Variants in PRKAR2B observed in about 807,000 individuals in gnomAD.
The protein encoded by PRKAR2B is protein kinase cAMP-dependent type II regulatory subunit beta, also known as cAMP-dependent protein kinase type II-beta regulatory subunit.
Under a neutral mutation model 49.9 loss-of-function variants are expected in PRKAR2B, and 14 were observed. The observed-to-expected ratio is 0.28, with a 90% CI of 0.19 to 0.44. The LOEUF (loss-of-function observed/expected upper bound fraction) is 0.44. PRKAR2B is among the 20% of genes least tolerant of loss of function. The pLI, the probability that PRKAR2B is intolerant of heterozygous loss-of-function variation, is 1.00. For missense variants in PRKAR2B, 393 were observed against 537.9 expected (o/e 0.73, Z 2.67); for synonymous variants, 196 against 197.7 (o/e 0.99, Z 0.07).
chr7:107,146,770 G>A (rs938901234), intron 6 of PRKAR2B, among the ~76,000 whole-genome samples: 3 of 152,172 alleles, frequency 2.0e-5, no homozygotes, highest in Admixed American at 6.5e-5. Flanking sequence ...ACAGCCTTAA[G>A]TACTTTTTCT....
chr7:107,113,581 A>G (rs966205302), intron 2 of PRKAR2B, among the ~76,000 whole-genome samples: 2 of 152,190 alleles, frequency 1.3e-5, no homozygotes, highest in Admixed American at 6.6e-5. Context: ...AGGAATTCTG[A>G]TGATTAGTCG....
chr7:107,148,092 C>T (rs1264133654), intron 6 of PRKAR2B, among the ~76,000 whole-genome samples: 4 of 152,170 alleles, frequency 2.6e-5, no homozygotes, highest in Non-Finnish European at 5.9e-5. Context: ...AAAGAACTGT[C>T]AGTGATTTGA....
intron 1 of PRKAR2B, among the ~76,000 whole-genome samples, chr7:107,045,878 G>C (rs916774935): frequency 6.6e-6 from 1 of 152,208 alleles, no homozygotes; most frequent in African/African-American, 2.4e-5. Context: ...TCTTTGGAAC[G>C]AGGAAATGGG....
At chr7:107,141,455 C>CCA (rs1795788344) in intron 5 of PRKAR2B, among the ~76,000 whole-genome samples, 1 of 152,170 alleles carries the variant, frequency 6.6e-6, no homozygotes, top group Non-Finnish European at 1.5e-5. Flanking sequence ...CTTTGGGAAG[C>CCA]CGAGGCCAGT....
chr7:107,104,304 G>A (rs1053301391), intron 2 of PRKAR2B, among the ~76,000 whole-genome samples: 4 of 152,246 alleles, frequency 2.6e-5, no homozygotes, highest in Admixed American at 2.6e-4. Flanking sequence ...CAAAGTGCTG[G>A]GATTACAGGC....
intron 2 of PRKAR2B, among the ~76,000 whole-genome samples, chr7:107,107,598 A>G (rs978368105): frequency 6.6e-6 from 1 of 151,816 alleles, no homozygotes; most frequent in Non-Finnish European, 1.5e-5. Flanking sequence ...AAGAAACTCA[A>G]TTATGAGGTA....
intron 2 of PRKAR2B, among the ~76,000 whole-genome samples, chr7:107,082,506 CTAAT>C (rs1461248805): frequency 9.2e-5 from 14 of 152,064 alleles, no homozygotes; most frequent in East Asian, 1.9e-4. Context: ...ATTTTATTGA[CTAAT>C]AAATAAGCAT....
intron 2 of PRKAR2B, among the ~76,000 whole-genome samples, chr7:107,072,123 T>C (rs1020552598): frequency 1.3e-5 from 2 of 149,548 alleles, no homozygotes; most frequent in African/African-American, 4.9e-5. Context: ...ATATATATAA[T>C]TGTAGAGATG....
chr7:107,143,802 T>C (rs1203378899), intron 5 of PRKAR2B, among the ~76,000 whole-genome samples: 3 of 152,182 alleles, frequency 2.0e-5, no homozygotes, highest in Non-Finnish European at 4.4e-5. Context: ...GCTGTGTGTA[T>C]AAGGTATATA....
At chr7:107,077,007 T>G (rs1794411662) in intron 2 of PRKAR2B, among the ~76,000 whole-genome samples, 1 of 152,216 alleles carries the variant, frequency 6.6e-6, no homozygotes, top group South Asian at 2.1e-4. Context: ...AAATATCTTG[T>G]AGCCTTGGTG....
chr7:107,123,386 T>G (rs1365236060), intron 3 of PRKAR2B, among the ~76,000 whole-genome samples: 1 of 152,212 alleles, frequency 6.6e-6, no homozygotes, highest in Non-Finnish European at 1.5e-5. Context: ...TTCATTTGAC[T>G]GTGTAAAACC....
At chr7:107,125,893 CCT>C (rs1795473852) in intron 3 of PRKAR2B, among the ~76,000 whole-genome samples, 1 of 151,818 alleles carries the variant, frequency 6.6e-6, no homozygotes, top group South Asian at 2.1e-4. Flanking sequence ...TTGAGACCAG[CCT>C]GGCCAAGATG....
chr7:107,051,813 C>T (rs1320122849), intron 1 of PRKAR2B, among the ~76,000 whole-genome samples: 1 of 151,900 alleles, frequency 6.6e-6, no homozygotes, highest in African/African-American at 2.4e-5. Flanking sequence ...GACAAAAGGT[C>T]AAAATGTAAA....
intron 1 of PRKAR2B, among the ~76,000 whole-genome samples, chr7:107,063,438 C>A (rs1794066190): frequency 6.6e-6 from 1 of 152,108 alleles, no homozygotes; most frequent in Admixed American, 6.5e-5. Context: ...CAAGGAAAGA[C>A]CCTGCCCTCA....
At chr7:107,091,122 T>C (rs1794726051) in intron 2 of PRKAR2B, among the ~76,000 whole-genome samples, 1 of 152,226 alleles carries the variant, frequency 6.6e-6, no homozygotes, top group South Asian at 2.1e-4. Flanking sequence ...TCAGATTGGA[T>C]GTTATTTCCA....
At chr7:107,045,613 T>C (rs1310629727) in intron 1 of PRKAR2B, among the ~76,000 whole-genome samples, 2 of 152,208 alleles carry the variant, frequency 1.3e-5, no homozygotes, top group Non-Finnish European at 2.9e-5. Flanking sequence ...TTTCAGCCCT[T>C]GTATTTATTA....
chr7:107,131,699 T>A (rs1359416742), intron 4 of PRKAR2B, among the ~76,000 whole-genome samples: 2 of 152,178 alleles, frequency 1.3e-5, no homozygotes, highest in African/African-American at 4.8e-5. Flanking sequence ...ATATAGGATA[T>A]AAGTAAGTAA....
At chr7:107,054,042 A>G (rs1276794381) in intron 1 of PRKAR2B, among the ~76,000 whole-genome samples, 1 of 152,200 alleles carries the variant, frequency 6.6e-6, no homozygotes, top group Non-Finnish European at 1.5e-5. Context: ...GTAAATATGC[A>G]TTAAGTAGTA....
At chr7:107,102,106 C>T (rs1212385179) in intron 2 of PRKAR2B, among the ~76,000 whole-genome samples, 2 of 152,108 alleles carry the variant, frequency 1.3e-5, no homozygotes, top group East Asian at 3.9e-4. Context: ...ACTCTGGAGG[C>T]TGAGGCAGAG....
Sources: gnomAD v4.1 joint callset for allele counts (sites outside exome capture counted in the v4.1 genomes callset) on GRCh38, gnomAD v4.1.1 for gene constraint, MANE v1.5 for transcripts, NCBI Gene and HGNC (gene_info 2026-07-23, HGNC 2026-07-21) for gene names.